Variants in GPR63 observed in about 807,000 individuals in gnomAD.
The protein encoded by GPR63 is G protein-coupled receptor 63, also known as probable G protein-coupled receptor 63.
Under a neutral mutation model 23.1 loss-of-function variants are expected in GPR63, and 12 were observed. The ratio of observed to expected loss-of-function variants is 0.52; its 90% CI spans 0.33 to 0.84. The LOEUF (loss-of-function observed/expected upper bound fraction) is 0.84, where lower values mean the gene tolerates loss of function less well. Among genes scored for constraint, GPR63 ranks in the 40% least tolerant of loss-of-function variants. The pLI, the probability that GPR63 is intolerant of heterozygous loss-of-function variation, is 0.02. For missense variants in GPR63, 472 were observed against 515.6 expected, an observed-to-expected ratio of 0.92 and a Z score of 0.82; for synonymous variants, 172 against 191.1, an observed-to-expected ratio of 0.90 and a Z score of 0.82.
intron 1 of GPR63, among the ~76,000 whole-genome samples, chr6:96,831,196 G>A (rs971011477): frequency 6.6e-6 from 1 of 152,134 alleles, no homozygotes; most frequent in African/African-American, 2.4e-5. Context: ...GTGGGCAAGA[G>A]GGCAGATGGC....
intron 1 of GPR63, among the ~76,000 whole-genome samples, chr6:96,830,391 T>G (rs2127960863): frequency 6.6e-6 from 1 of 152,298 alleles, no homozygotes; most frequent in Middle Eastern, 3.4e-3. Flanking sequence ...AACCTATCCA[T>G]GCCTGTTACA....
chr6:96,822,168 A>C (rs1206305956), intron 1 of GPR63, among the ~76,000 whole-genome samples: 1 of 152,170 alleles, frequency 6.6e-6, no homozygotes, highest in African/African-American at 2.4e-5. Flanking sequence ...AGAACTATGA[A>C]ATTTTGTCAT....
At chr6:96,830,418 T>C (rs547029091) in intron 1 of GPR63, among the ~76,000 whole-genome samples, 5 of 152,322 alleles carry the variant, frequency 3.3e-5, no homozygotes, top group African/African-American at 1.2e-4. Flanking sequence ...ACTGAAAATA[T>C]AGTTCCTTTT....
At chr6:96,816,559 T>C (rs1353593445) in intron 1 of GPR63, among the ~76,000 whole-genome samples, 1 of 152,224 alleles carries the variant, frequency 6.6e-6, no homozygotes, top group Non-Finnish European at 1.5e-5. Flanking sequence ...GGCTACGATC[T>C]GAGAGAAATG....
chr6:96,802,216 G>C (rs1773783093), intron 1 of GPR63, among the ~76,000 whole-genome samples: 2 of 152,044 alleles, frequency 1.3e-5, no homozygotes, highest in East Asian at 1.9e-4. Context: ...TAATTTAAAA[G>C]ATGACTTTTA....
intron 1 of GPR63, among the ~76,000 whole-genome samples, chr6:96,816,780 G>GTC (rs768981127): frequency 2.0e-5 from 3 of 152,182 alleles, no homozygotes; most frequent in African/African-American, 4.8e-5. Flanking sequence ...GCAGAGCACA[G>GTC]TCTCAGTGGG....
In GPR63 at chr6:96,799,634, G is replaced by A; in HGVS notation, c.98C>T (p.Pro33Leu). The change falls in exon 2 of 2, where the codon CCA (proline) becomes CTA (leucine). Residue 33 changes from proline (P) to leucine (L), a missense_variant. Transcript: ENST00000229955. ...ACTGAGGTCAGGATGCTGGAATGGT[G>A]GAGGGAGTGTAATATTCATGTAGGT... ...ENTYMNITLP[P>L]PFQHPDLSPL... is the part of the protein sequence containing the mutation. The A allele has an allele frequency of 6.2e-7, 1 of 1,614,152 alleles. No individual in the cohort carries two copies. Among genetic ancestry groups the A allele is most frequent in the Non-Finnish European group, 8.5e-7 (1 of 1,180,018 alleles).
intron 1 of GPR63, among the ~76,000 whole-genome samples, chr6:96,827,268 TA>T (rs1774463507): frequency 6.6e-6 from 1 of 152,090 alleles, no homozygotes; most frequent in South Asian, 2.1e-4. Flanking sequence ...TATTAAAAAC[TA>T]AATCGACAAA....
intron 1 of GPR63, among the ~76,000 whole-genome samples, chr6:96,827,276 C>T (rs1301534365): frequency 6.6e-6 from 1 of 151,926 alleles, no homozygotes; most frequent in Non-Finnish European, 1.5e-5. Flanking sequence ...ACTAAATCGA[C>T]AAAGTGGCGT....
chr6:96,828,562 TA>T lies in GPR63; in HGVS notation c.-151+8705del, dbSNP rs36063508. ...CTCCTGACCCCCCAAATAAAAACAG[TA>T]AAAAAAAAAAAAAAATGGTAGGGGC... On this transcript the variant is annotated intron_variant, in intron 1 of 1. Transcript: ENST00000229955. Among the ~76,000 whole-genome samples, 431 of 114,076 alleles carry T rather than the reference TA, an allele frequency of 3.8e-3. 2 individuals carry two copies. Among genetic ancestry groups the T allele is most frequent in the Admixed American group, 0.012 (133 of 11,446 alleles). 74.8% of individuals were successfully genotyped at this position (114,076 alleles called of 152,430 possible).
At position 96,794,188 on chromosome 6, in the gene GPR63, G is replaced by C. The variant is rs1773523355; in HGVS notation, c.*4284C>G. 1 of 151,648 alleles carries C rather than the reference G, an allele frequency of 6.6e-6. No individual in the cohort carries two copies. Among genetic ancestry groups the C allele is most frequent in the African/African-American group, 2.4e-5 (1 of 41,300 alleles). 9.4% of individuals were successfully genotyped at this position (151,648 alleles called of 1,614,324 possible). On this transcript the variant is annotated 3_prime_UTR_variant, in exon 2 of 2. Coordinates refer to ENST00000229955, the MANE Select transcript of GPR63 (RefSeq NM_030784.4). Reference sequence around the variant, plus strand: ...CTTTTCTTGGTTGTAATAAGAATATGCACAAATAACCATATTTTTCGATAT... The same window carrying C: ...CTTTTCTTGGTTGTAATAAGAATATCCACAAATAACCATATTTTTCGATAT...
intron 1 of GPR63, among the ~76,000 whole-genome samples, chr6:96,802,987 C>T (rs1417727719): frequency 6.6e-6 from 1 of 152,084 alleles, no homozygotes; most frequent in African/African-American, 2.4e-5. Flanking sequence ...ACTGGAACCC[C>T]ACTCCACACC....
intron 1 of GPR63, among the ~76,000 whole-genome samples, chr6:96,833,021 G>A: frequency 6.6e-6 from 1 of 151,822 alleles, no homozygotes; most frequent in East Asian, 1.9e-4. Flanking sequence ...GTAGGAACAA[G>A]CTGAGAGAAC....
intron 1 of GPR63, among the ~76,000 whole-genome samples, chr6:96,824,934 T>C (rs934054951): frequency 6.6e-6 from 1 of 152,154 alleles, no homozygotes; most frequent in Admixed American, 6.5e-5. Flanking sequence ...CAAAGGCCCA[T>C]AGGAAATTCA....
rs2127940827 is a variant in GPR63 at position 96,798,850 on chromosome 6, C to G, written c.882G>C (p.Met294Ile). Residue 294 changes from methionine (M) to isoleucine (I), a missense_variant, in exon 2 of 2, where the codon ATG becomes ATC. By Grantham distance (10) the Met-to-Ile change is conservative. Coordinates refer to ENST00000229955, the MANE Select transcript of GPR63 (RefSeq NM_030784.4). ...TCATCTGGAAAGGTCTCTGCAGACTCATGAGACCCAGTTTGCTGGCCTGGC... is the reference window on the plus strand; with the variant it reads ...TCATCTGGAAAGGTCTCTGCAGACTGATGAGACCCAGTTTGCTGGCCTGGC... ...CLSQASKLGLMSLQRPFQMSI... is the reference protein window; with the variant it reads ...CLSQASKLGLISLQRPFQMSI... 6.2e-7 allele frequency: 1 copy of G among 1,614,204 alleles called. No individual in the cohort carries two copies. The highest frequency in any genetic ancestry group is 2.2e-5 in the East Asian group (1 of 44,882).
rs1263560646 is a variant in GPR63, at chr6:96,796,793, A to G, written c.*1679T>C. On this transcript the variant is annotated 3_prime_UTR_variant, in exon 2 of 2. Transcript: ENST00000229955. ...AAACCCGCAGGGGCAAGACCTACAC[A>G]TAGCTATCTTTAATTTCTCAATAAT... 2 of 152,176 alleles carry G rather than the reference A, an allele frequency of 1.3e-5. No homozygotes were observed. Among genetic ancestry groups the G allele is most frequent in the African/African-American group, 4.8e-5 (2 of 41,436 alleles). 9.4% of individuals were successfully genotyped at this position (152,176 alleles called of 1,614,324 possible). A position where few individuals can be genotyped will look rare whatever the true frequency, so the allele number is the denominator to read the frequency against.
At chr6:96,805,604 T>C (rs951143476) in intron 1 of GPR63, among the ~76,000 whole-genome samples, 2 of 152,170 alleles carry the variant, frequency 1.3e-5, no homozygotes, top group Non-Finnish European at 2.9e-5. Flanking sequence ...ACTCATGCCA[T>C]GGTTATTCTA....
intron 1 of GPR63, among the ~76,000 whole-genome samples, chr6:96,819,995 A>G (rs1042858465): frequency 6.7e-6 from 1 of 148,332 alleles, no homozygotes; most frequent in Non-Finnish European, 1.5e-5. Context: ...AAAAAAAACA[A>G]ACAACAACAA....
intron 1 of GPR63, among the ~76,000 whole-genome samples, chr6:96,833,848 G>A (rs1237251807): frequency 2.6e-5 from 4 of 151,980 alleles, no homozygotes; most frequent in Non-Finnish European, 5.9e-5. Flanking sequence ...CTGGGAAGAT[G>A]TAATTCTTTA....
Sources: gnomAD v4.1 joint callset for allele counts (sites outside exome capture counted in the v4.1 genomes callset) on GRCh38, gnomAD v4.1.1 for gene constraint, MANE v1.5 for transcripts, NCBI Gene and HGNC (gene_info 2026-07-23, HGNC 2026-07-21) for gene names.